Variants in PLXDC2 observed in about 807,000 individuals in gnomAD.
The protein encoded by PLXDC2 is plexin domain-containing protein 2.
PLXDC2 carries 40 observed loss-of-function variants against 68.9 expected under a neutral mutation model. The ratio of observed to expected loss-of-function variants is 0.58; its 90% CI spans 0.45 to 0.76. The LOEUF (loss-of-function observed/expected upper bound fraction) is 0.76, where lower values mean the gene tolerates loss of function less well. Ranked by LOEUF, PLXDC2 falls within the 30% of genes least tolerant of loss-of-function variation. PLXDC2 has a pLI of 0.00. For missense variants in PLXDC2, 644 were observed against 661.9 expected (o/e 0.97, Z 0.30); for synonymous variants, 243 against 234.2 (o/e 1.04, Z -0.34).
intron 1 of PLXDC2, among the ~76,000 whole-genome samples, chr10:19,950,557 T>C (rs56801379): frequency 0.025 from 3,860 of 152,076 alleles, 162 homozygotes; most frequent in African/African-American, 0.087. Context: ...TTTGAATAAA[T>C]AGTATTTTCA....
intron 1 of PLXDC2, among the ~76,000 whole-genome samples, chr10:19,839,349 A>G (rs1268805873): frequency 6.6e-6 from 1 of 152,134 alleles, no homozygotes; most frequent in Non-Finnish European, 1.5e-5. Context: ...TTCTTAAAAC[A>G]TTATGAGATT....
rs760510917 is a variant in PLXDC2 at position 20,102,049 on chromosome 10, G to A, written c.541+33810G>A. ...ACTCCTGACCTCATTTGATCCTCCC[G>A]CCTCGCCTATCAAAGTGCTTAGATT... On this transcript the variant is annotated intron_variant, in intron 4 of 13. Coordinates refer to ENST00000377252, the MANE Select transcript of PLXDC2 (RefSeq NM_032812.9). 1.3e-4 allele frequency among the ~76,000 whole-genome samples: 20 copies of A among 151,912 alleles called. 1 individual carries two copies. The highest frequency in any genetic ancestry group is 2.5e-4 in the Non-Finnish European group (17 of 67,982).
At chr10:20,266,571 A>G (rs990078269) in intron 13 of PLXDC2, among the ~76,000 whole-genome samples, 3 of 152,184 alleles carry the variant, frequency 2.0e-5, no homozygotes, top group African/African-American at 2.4e-5. Flanking sequence ...GTATATGTCT[A>G]TTTATTAAAT....
chr10:19,840,961 C>G (rs987548623), intron 1 of PLXDC2, among the ~76,000 whole-genome samples: 3 of 152,130 alleles, frequency 2.0e-5, no homozygotes, highest in African/African-American at 7.2e-5. Context: ...ATGATTACTG[C>G]CACCAATTTA....
rs532338563 is a variant in PLXDC2 at position 19,835,806 on chromosome 10, A to G, written c.112+18615A>G. Among the ~76,000 whole-genome samples the G allele has an allele frequency of 7.2e-5, 11 of 152,220 alleles. No homozygotes were observed. The South Asian group carries it at 2.3e-3, about 32-fold the overall frequency. ...GGAGGAATGGTGGCTAGCTGGTGGC[A>G]GATTGTGGTAGGGTAGTGATGAAGA... is the stretch of plus-strand genomic sequence containing the variant. On this transcript the variant is annotated intron_variant, in intron 1 of 13. Transcript: ENST00000377252.
intron 5 of PLXDC2, 37 bp from the exon 6 acceptor site, chr10:20,147,747 T>C: frequency 7.6e-7 from 1 of 1,310,924 alleles, no homozygotes; most frequent in Non-Finnish European, 1.1e-6. Flanking sequence ...GGTATGTTTT[T>C]CTCATTGCAT....
At chr10:19,852,104 A>G (rs1020494901) in intron 1 of PLXDC2, among the ~76,000 whole-genome samples, 1 of 152,180 alleles carries the variant, frequency 6.6e-6, no homozygotes, top group Non-Finnish European at 1.5e-5. Flanking sequence ...GAGGATCTGC[A>G]TTGTAAACCA....
chr10:20,040,566 G>T (rs1249338609), intron 2 of PLXDC2, among the ~76,000 whole-genome samples: 2 of 152,116 alleles, frequency 1.3e-5, no homozygotes, highest in Non-Finnish European at 1.5e-5. Context: ...TTTGCTGGAG[G>T]ATACCCTTTC....
intron 1 of PLXDC2, among the ~76,000 whole-genome samples, chr10:19,840,344 A>C (rs1309806918): frequency 6.6e-6 from 1 of 152,206 alleles, no homozygotes; most frequent in East Asian, 1.9e-4. Context: ...ATAAGATTAC[A>C]AAACTTTCCT....
chr10:19,836,496 T>C (rs978121892), intron 1 of PLXDC2, among the ~76,000 whole-genome samples: 2 of 152,208 alleles, frequency 1.3e-5, no homozygotes, highest in Non-Finnish European at 2.9e-5. Context: ...AAGGCTTAGA[T>C]GATATCACGT....
At chr10:20,170,506 A>T (rs1198905583) in intron 7 of PLXDC2, among the ~76,000 whole-genome samples, 3 of 152,176 alleles carry the variant, frequency 2.0e-5, no homozygotes. Context: ...GTAATTTTTT[A>T]AAATTACTTT....
intron 4 of PLXDC2, among the ~76,000 whole-genome samples, chr10:20,083,038 T>C (rs972321147): frequency 3.3e-5 from 5 of 152,320 alleles, no homozygotes; most frequent in East Asian, 1.9e-4. Flanking sequence ...AAAGTAGATA[T>C]GCTTCCAAGT....
chr10:20,249,954 C>T (rs1037477715), intron 13 of PLXDC2, among the ~76,000 whole-genome samples: 5 of 152,070 alleles, frequency 3.3e-5, no homozygotes, highest in African/African-American at 1.2e-4. Context: ...TGCTAAACAG[C>T]GTATATAATA....
chr10:19,894,932 T>C lies in PLXDC2; in HGVS notation c.112+77741T>C, dbSNP rs112092920. Among the ~76,000 whole-genome samples the C allele has an allele frequency of 5.9e-3, 897 of 152,322 alleles. 9 individuals carry two copies. Among genetic ancestry groups the C allele is most frequent in the African/African-American group, 0.02 (852 of 41,564 alleles). On this transcript the variant is annotated intron_variant, in intron 1 of 13. Coordinates refer to ENST00000377252, the MANE Select transcript of PLXDC2 (RefSeq NM_032812.9). ...CCCAGCCATCCCATTATTGGGTGTA[T>C]ACCCAAAGGATTATAAATCGTTCTA...
At chr10:20,038,875 C>A (rs1394206361) in intron 2 of PLXDC2, among the ~76,000 whole-genome samples, 2 of 152,112 alleles carry the variant, frequency 1.3e-5, no homozygotes, top group African/African-American at 4.8e-5. Flanking sequence ...TCTCACATTG[C>A]TTTCAATGAG....
chr10:20,090,461 T>A (rs912029507), intron 4 of PLXDC2, among the ~76,000 whole-genome samples: 4 of 95,394 alleles, frequency 4.2e-5, no homozygotes, highest in African/African-American at 4.8e-5. Context: ...AGTTGTGGAG[T>A]TTTTTTACCC....
At chr10:19,839,350 T>A (rs1030137154) in intron 1 of PLXDC2, among the ~76,000 whole-genome samples, 1 of 152,094 alleles carries the variant, frequency 6.6e-6, no homozygotes, top group South Asian at 2.1e-4. Context: ...TCTTAAAACA[T>A]TATGAGATTT....
At chr10:20,050,655 TATC>T (rs1369439914) in intron 3 of PLXDC2, among the ~76,000 whole-genome samples, 8 of 151,718 alleles carry the variant, frequency 5.3e-5, no homozygotes, top group Non-Finnish European at 2.9e-5. Flanking sequence ...CCCAATGAGA[TATC>T]ATTTCACACC....
intron 1 of PLXDC2, among the ~76,000 whole-genome samples, chr10:19,913,702 G>A (rs956867237): frequency 6.6e-6 from 1 of 152,184 alleles, no homozygotes; most frequent in Non-Finnish European, 1.5e-5. Flanking sequence ...TTAGGAGGCT[G>A]TGTCATCAGC....
Sources: allele counts gnomAD v4.1 joint callset (sites outside exome capture counted in the v4.1 genomes callset), GRCh38; gene constraint gnomAD v4.1.1; transcripts MANE v1.5; gene names NCBI Gene and HGNC (gene_info 2026-07-23, HGNC 2026-07-21).